The following CDHR3 variants were observed in gnomAD, a reference collection of about 807,000 sequenced individuals.
CDHR3 encodes cadherin-related family member 3.
A neutral mutation model predicts 86.6 loss-of-function variants in CDHR3; 79 were observed. The ratio of observed to expected loss-of-function variants is 0.91; its 90% confidence interval spans 0.76 to 1.10. CDHR3 has a LOEUF of 1.10. Among genes scored for constraint, CDHR3 ranks in the 50% least tolerant of loss-of-function variants. The probability of loss-of-function intolerance (pLI) is 0.00; values close to 1 mark genes in which losing one functional copy is unlikely to be tolerated. For missense variants in CDHR3, 1,081 were observed against 1,077.6 expected, an observed-to-expected ratio of 1.00 and a Z score of -0.04; for synonymous variants, 421 against 402.4, an observed-to-expected ratio of 1.05 and a Z score of -0.55.
At chr7:105,980,605 TAATTTTTTTTTTTTTTA>T (rs1829534947) in intron 2 of CDHR3, among the ~76,000 whole-genome samples, 1 of 32,992 alleles carries the variant, frequency 3.0e-5, no homozygotes, top group African/African-American at 8.8e-5. Context: ...TTTTTTTTTT[TAATTTTTTTTTTTTTTA>T]ATTTTTTTTT....
At chr7:106,015,736 T>C in intron 10 of CDHR3, 191 bp from the exon 11 acceptor site, 1 of 630,730 alleles carries the variant, frequency 1.6e-6, no homozygotes, top group South Asian at 1.7e-5. Context: ...GGTTCTGTAG[T>C]GCTCTGTGTG....
At chr7:105,983,570 CGAGT>C (rs1294130547) in intron 3 of CDHR3, among the ~76,000 whole-genome samples, 1 of 152,086 alleles carries the variant, frequency 6.6e-6, no homozygotes, top group African/African-American at 2.4e-5. Flanking sequence ...AAAAAATGCC[CGAGT>C]GAGAGCTCTG....
Position 106,026,514 on chromosome 7 carries a change from G to A in CDHR3, c.2259-168G>A, listed in dbSNP as rs1005931579. ...TAGTGATGAAGCTGCTTTGTTCGAA[G>A]CAGGCGTGGTGATCTAGTTTTCTTT... On this transcript the variant is annotated intron_variant, in intron 15 of 18. Coordinates refer to ENST00000317716, the MANE Select transcript of CDHR3 (RefSeq NM_152750.5). 2.6e-5 allele frequency among the ~76,000 whole-genome samples: 4 copies of A among 152,210 alleles called. No individual in the cohort carries two copies. The East Asian group carries it at 7.7e-4, about 29-fold the overall frequency.
At chr7:106,013,068 G>T in intron 9 of CDHR3, 37 bp downstream of exon 9, 2 of 1,532,258 alleles carry the variant, frequency 1.3e-6, no homozygotes, top group South Asian at 1.3e-5. Context: ...AAAGGGCATC[G>T]GGAATTGGTC....
chr7:105,979,384 G>A (rs929148046), intron 2 of CDHR3, among the ~76,000 whole-genome samples: 2 of 151,962 alleles, frequency 1.3e-5, no homozygotes, highest in Non-Finnish European at 2.9e-5. Flanking sequence ...TTCCCCCCTC[G>A]ACAATCTTCC....
intron 4 of CDHR3, among the ~76,000 whole-genome samples, chr7:105,985,476 C>G (rs1404431379): frequency 6.6e-6 from 1 of 152,206 alleles, no homozygotes; most frequent in Non-Finnish European, 1.5e-5. Flanking sequence ...GCTGTTTCTA[C>G]TGTTTGCTGC....
Position 106,032,471 on chromosome 7 carries a change from G to A in CDHR3, c.2432G>A (p.Trp811Ter), listed in dbSNP as rs1350928279. ...WKDPLTQMPKWKESSHQGAAP... is the reference protein window; with the variant it reads ...WKDPLTQMPK Reference sequence around the variant, plus strand: ...GATCCACTAACCCAAATGCCAAAATGGAAAGAGTCCAGCCACCAGGGAGCT... The same window carrying A: ...GATCCACTAACCCAAATGCCAAAATAGAAAGAGTCCAGCCACCAGGGAGCT... The change falls in exon 19 of 19, where the codon TGG becomes TAG. Residue 811 changes from tryptophan to a stop codon, truncating the protein, a stop_gained. Coordinates refer to ENST00000317716, the MANE Select transcript of CDHR3 (RefSeq NM_152750.5). LOFTEE classifies it low-confidence loss of function (END_TRUNC). 4.3e-6 allele frequency: 7 copies of A among 1,613,902 alleles called. No homozygotes were observed. The highest frequency in any genetic ancestry group is 1.6e-4 in the Middle Eastern group (1 of 6,062).
At chr7:105,965,316 A>T (rs1028455906) in intron 1 of CDHR3, among the ~76,000 whole-genome samples, 2 of 152,148 alleles carry the variant, frequency 1.3e-5, no homozygotes, top group African/African-American at 2.4e-5. Context: ...AGTAACATAC[A>T]GTAAAAAATT....
At chr7:106,025,849 G>C (rs1837271296) in intron 15 of CDHR3, among the ~76,000 whole-genome samples, 1 of 152,074 alleles carries the variant, frequency 6.6e-6, no homozygotes, top group Non-Finnish European at 1.5e-5. Flanking sequence ...ATTTTTGTTT[G>C]AACTCTATTC....
Position 106,001,507 on chromosome 7 carries a change from CATCGTGGCCAAT to C in CDHR3, c.763_774del (p.Val255_Ile258del). The C allele has an allele frequency of 6.2e-7, 1 of 1,614,014 alleles. No homozygotes were observed. Among genetic ancestry groups the C allele is most frequent in the Non-Finnish European group, 8.5e-7 (1 of 1,179,886 alleles). On this transcript the variant is annotated inframe_deletion, in exon 7 of 19. Coordinates refer to ENST00000317716, the MANE Select transcript of CDHR3 (RefSeq NM_152750.5). ...TCCTGGAGGAACTGAGTCCAGGAAC[CATCGTGGCCAAT>C]ATCACAGCGGAGGATCCTGATGATG...
chr7:105,965,572 C>CCCT (rs1554507761), intron 1 of CDHR3, among the ~76,000 whole-genome samples: 2 of 115,584 alleles, frequency 1.7e-5, no homozygotes, highest in Non-Finnish European at 3.8e-5. Context: ...GCCCCACCCC[C>CCCT]CCCCATGGAG....
intron 11 of CDHR3, among the ~76,000 whole-genome samples, chr7:106,017,533 T>C (rs1366293973): frequency 1.3e-5 from 2 of 148,888 alleles, no homozygotes; most frequent in African/African-American, 5.0e-5. Context: ...CACTCCAGCC[T>C]GGGCGACAGA....
At chr7:105,989,434 T>G (rs1831028650) in intron 4 of CDHR3, among the ~76,000 whole-genome samples, 1 of 152,038 alleles carries the variant, frequency 6.6e-6, no homozygotes, top group Admixed American at 6.6e-5. Context: ...CTTTTGGCCT[T>G]TCCATTGAGG....
intron 4 of CDHR3, among the ~76,000 whole-genome samples, chr7:105,993,918 G>A (rs566773203): frequency 6.6e-6 from 1 of 152,266 alleles, no homozygotes; most frequent in African/African-American, 2.4e-5. Flanking sequence ...GTGTCATCAA[G>A]AGAGCTGGGC....
chr7:106,022,203 G>A lies in CDHR3; in HGVS notation c.1831G>A (p.Val611Ile), dbSNP rs1012896946. The change falls in exon 14 of 19, where the codon GTC becomes ATC. Residue 611 changes from valine (V) to isoleucine (I), a missense_variant. Transcript: ENST00000317716. The stretch of plus-strand genomic sequence containing the variant: ...CTGCATCAAATCTCATTTAGGTAAC[G>A]TCAACAATCATTTCACCTTCTCTCC... ...SFRYSIGPGN[V>I]NNHFTFSPNA... is the part of the protein sequence containing the mutation. The A allele has an allele frequency of 1.1e-5, 18 of 1,613,896 alleles. No individual in the cohort carries two copies. Among genetic ancestry groups the A allele is most frequent in the Middle Eastern group, 3.3e-4 (2 of 6,062 alleles).
chr7:106,013,067 C>G (rs756839511), intron 9 of CDHR3, 36 bp downstream of exon 9: 3 of 1,531,658 alleles, frequency 2.0e-6, no homozygotes, highest in Non-Finnish European at 1.8e-6. Context: ...AAAAGGGCAT[C>G]GGGAATTGGT....
chr7:106,031,683 A>G (rs1838392390), intron 18 of CDHR3, among the ~76,000 whole-genome samples: 1 of 152,194 alleles, frequency 6.6e-6, no homozygotes, highest in South Asian at 2.1e-4. Flanking sequence ...GAGGCCACTC[A>G]TGCTGTATGG....
chr7:106,019,179 A>G (rs542128272), intron 12 of CDHR3, among the ~76,000 whole-genome samples: 57 of 152,204 alleles, frequency 3.7e-4, no homozygotes, highest in African/African-American at 1.3e-3. Context: ...TTTGATCCCA[A>G]TTTTCCGAGG....
At chr7:106,009,893 A>C (rs1585745008) in intron 8 of CDHR3, among the ~76,000 whole-genome samples, 1 of 152,224 alleles carries the variant, frequency 6.6e-6, no homozygotes, top group African/African-American at 2.4e-5. Context: ...GACACAGTCA[A>C]CTTTGCATGG....
Sources: allele counts gnomAD v4.1 joint callset (sites outside exome capture counted in the v4.1 genomes callset), GRCh38; gene constraint gnomAD v4.1.1; transcripts MANE v1.5; gene names NCBI Gene and HGNC (gene_info 2026-07-23, HGNC 2026-07-21).